Variants in FGF2 observed in about 807,000 individuals in gnomAD.
FGF2 encodes the protein basic fibroblast growth factor bFGF.
A neutral mutation model predicts 15.9 loss-of-function variants in FGF2; 13 were observed. That is an observed-to-expected ratio of 0.82 (90% CI 0.53 to 1.30). FGF2 has a LOEUF of 1.30. FGF2 is among the 50% of genes most tolerant of loss of function. FGF2 has a pLI of 0.00. For synonymous variants in FGF2, 90 were observed against 78.4 expected (o/e 1.15, Z -0.78); for missense variants, 163 against 196.9 (o/e 0.83, Z 1.03).
At chr4:122,850,676 A>G (rs1726211006) in intron 1 of FGF2, among the ~76,000 whole-genome samples, 1 of 152,204 alleles carries the variant, frequency 6.6e-6, no homozygotes. Context: ...GTTGAAACAG[A>G]CATTCATATT....
intron 1 of FGF2, among the ~76,000 whole-genome samples, chr4:122,854,760 G>C (rs1726303424): frequency 6.6e-6 from 1 of 152,182 alleles, no homozygotes; most frequent in Non-Finnish European, 1.5e-5. Flanking sequence ...AGTGGAGGCT[G>C]CAGTAATGCT....
intron 1 of FGF2, among the ~76,000 whole-genome samples, chr4:122,860,447 C>CT (rs34541038): frequency 0.032 from 2,921 of 90,910 alleles, 276 homozygotes; most frequent in South Asian, 0.074. Flanking sequence ...CTAAGGTTAA[C>CT]TTTTTTTTTT....
At chr4:122,888,688 C>A (rs1320347421) in intron 2 of FGF2, 1 of 152,244 alleles carries the variant, frequency 6.6e-6, no homozygotes, top group Non-Finnish European at 1.5e-5. Flanking sequence ...GCCTTCATCT[C>A]CTTCAAGCAT....
chr4:122,871,742 T>C (rs557888332), intron 1 of FGF2, among the ~76,000 whole-genome samples: 65 of 134,996 alleles, frequency 4.8e-4, no homozygotes, highest in African/African-American at 1.8e-3. Context: ...CCCAGCAAAC[T>C]GCAGAAGCCC....
intron 1 of FGF2, among the ~76,000 whole-genome samples, chr4:122,832,332 C>T (rs1223189691): frequency 6.6e-6 from 1 of 152,208 alleles, no homozygotes; most frequent in African/African-American, 2.4e-5. Flanking sequence ...TCTCAGCTCA[C>T]TACAACCTCT....
intron 2 of FGF2, 89 bp from the exon 3 acceptor site, chr4:122,892,122 T>A (rs1727203538): frequency 2.6e-6 from 3 of 1,150,618 alleles, no homozygotes; most frequent in Non-Finnish European, 3.8e-6. Context: ...TTGAGCAGAA[T>A]AGGCATTATA....
chr4:122,846,217 C>T (rs1047121279), intron 1 of FGF2, among the ~76,000 whole-genome samples: 2 of 152,098 alleles, frequency 1.3e-5, no homozygotes, highest in Non-Finnish European at 2.9e-5. Flanking sequence ...AAAACAATTA[C>T]AGTGGTAACA....
At chr4:122,860,849 G>T (rs1426353890) in intron 1 of FGF2, among the ~76,000 whole-genome samples, 1 of 152,138 alleles carries the variant, frequency 6.6e-6, no homozygotes, top group East Asian at 1.9e-4. Context: ...TTTGGATTTT[G>T]CCGCTTTTTC....
chr4:122,841,161 C>T (rs989209069), intron 1 of FGF2, among the ~76,000 whole-genome samples: 4 of 152,160 alleles, frequency 2.6e-5, no homozygotes, highest in South Asian at 2.1e-4. Flanking sequence ...TAGAGTTTTT[C>T]GTATTTAGGA....
chr4:122,847,912 C>A (rs1318548754), intron 1 of FGF2, among the ~76,000 whole-genome samples: 1 of 152,190 alleles, frequency 6.6e-6, no homozygotes, highest in Non-Finnish European at 1.5e-5. Flanking sequence ...ACTCAAAGTC[C>A]ACTGATTCAA....
At chr4:122,844,149 A>G (rs1726052826) in intron 1 of FGF2, among the ~76,000 whole-genome samples, 1 of 152,200 alleles carries the variant, frequency 6.6e-6, no homozygotes, top group Non-Finnish European at 1.5e-5. Context: ...AAGTTTATGT[A>G]ATATTCTAAA....
chr4:122,840,552 G>C (rs535090946), intron 1 of FGF2: 1 of 156,236 alleles, frequency 6.4e-6, no homozygotes, highest in African/African-American at 2.4e-5. Context: ...TGTATGTGAA[G>C]CTACATTGCT....
intron 1 of FGF2, among the ~76,000 whole-genome samples, chr4:122,856,292 G>A (rs1726339930): frequency 6.6e-6 from 1 of 152,164 alleles, no homozygotes; most frequent in Non-Finnish European, 1.5e-5. Context: ...AGCAGAGACA[G>A]TGTCTGGTTC....
intron 1 of FGF2, among the ~76,000 whole-genome samples, chr4:122,830,681 A>G (rs1725745439): frequency 6.6e-6 from 1 of 152,128 alleles, no homozygotes; most frequent in Admixed American, 6.5e-5. Flanking sequence ...TAAAGTAGCA[A>G]GCTGTGTAAA....
chr4:122,827,805 A>C lies in FGF2; in HGVS notation c.178+453A>C, dbSNP rs1283893343. Among the ~76,000 whole-genome samples the C allele has an allele frequency of 6.6e-6, 1 of 152,138 alleles. No individual in the cohort carries two copies. Among genetic ancestry groups the C allele is most frequent in the Non-Finnish European group, 1.5e-5 (1 of 68,020 alleles). ...CACCTTTCTAGAGTCCTGCCCTTAA[A>C]TTCCGACTCGGGACGACCCGAGGCA... On this transcript the variant is annotated intron_variant, in intron 1 of 2. Transcript: ENST00000644866. This position sits in a 1 kb window ranked among gnomAD's most constrained non-coding sequence, Gnocchi z 4.2.
Position 122,892,788 on chromosome 4 carries a change from A to C in FGF2, c.*392A>C, listed in dbSNP as rs1015931553. 1 of 1,478,004 alleles carries C rather than the reference A, an allele frequency of 6.8e-7. No homozygotes were observed. Among genetic ancestry groups the C allele is most frequent in the African/African-American group, 1.4e-5 (1 of 71,396 alleles). 91.6% of individuals were successfully genotyped at this position (1,478,004 alleles called of 1,614,324 possible). A position where few individuals can be genotyped will look rare whatever the true frequency, so the allele number is the denominator to read the frequency against. On this transcript the variant is annotated 3_prime_UTR_variant, in exon 3 of 3. Transcript: ENST00000644866. ...CAAAATGTCCACTATTTCTTATGTC[A>C]TTCGTTAGTCTACATGTTTCTAAAC...
intron 1 of FGF2, among the ~76,000 whole-genome samples, chr4:122,872,076 G>A (rs1052034604): frequency 6.6e-6 from 1 of 152,132 alleles, no homozygotes; most frequent in African/African-American, 2.4e-5. Context: ...AAACTACGCT[G>A]AGCTAAAAGG....
At chr4:122,874,902 T>C (rs984901198) in intron 1 of FGF2, among the ~76,000 whole-genome samples, 16 of 152,142 alleles carry the variant, frequency 1.1e-4, no homozygotes, top group African/African-American at 3.9e-4. Context: ...ATTTCTAAAA[T>C]TGCATTTTTT....
At chr4:122,889,929 C>A (rs1727134335) in intron 2 of FGF2, 1 of 151,948 alleles carries the variant, frequency 6.6e-6, no homozygotes, top group African/African-American at 2.4e-5. Flanking sequence ...GATAGAACAC[C>A]AACAAATGAA....
Sources: gnomAD v4.1 joint callset for allele counts (sites outside exome capture counted in the v4.1 genomes callset) on GRCh38, gnomAD v4.1.1 for gene constraint, Gnocchi (gnomAD v3.1) non-coding constraint, MANE v1.5 for transcripts, NCBI Gene and HGNC (gene_info 2026-07-23, HGNC 2026-07-21) for gene names.